XPO4: variants seen among roughly 807,000 people sequenced by gnomAD.
XPO4 encodes exportin-4.
Under a neutral mutation model 143.0 loss-of-function variants are expected in XPO4, and 39 were observed. The observed-to-expected ratio is 0.27, with a 90% CI of 0.21 to 0.36. The LOEUF is 0.36. XPO4 is among the 10% of genes least tolerant of loss of function. XPO4 has a pLI of 1.00. For missense variants in XPO4, 907 were observed against 1,348.0 expected (o/e 0.67, Z 5.12); for synonymous variants, 439 against 474.0 (o/e 0.93, Z 0.96).
At chr13:20,899,769 T>G (rs1394062472) in intron 1 of XPO4, among the ~76,000 whole-genome samples, 1 of 152,198 alleles carries the variant, frequency 6.6e-6, no homozygotes, top group Non-Finnish European at 1.5e-5. Context: ...ACATCACTAT[T>G]TGCATTTTGA....
chr13:20,804,140 C>CTATATATATACACACAA (rs2059471703), intron 13 of XPO4, among the ~76,000 whole-genome samples: 1 of 149,208 alleles, frequency 6.7e-6, no homozygotes, highest in African/African-American at 2.5e-5. Flanking sequence ...TATACATACA[C>CTATATATATACACACAA]TATATATATA....
intron 4 of XPO4, among the ~76,000 whole-genome samples, chr13:20,844,843 T>C (rs1231642884): frequency 6.6e-6 from 1 of 152,208 alleles, no homozygotes; most frequent in Non-Finnish European, 1.5e-5. Flanking sequence ...AGACTATCTG[T>C]CCATTTTGTA....
chr13:20,877,392 T>TAAGA lies in XPO4; in HGVS notation c.70-8695_70-8692dup, dbSNP rs200419556. On this transcript the variant is annotated intron_variant, in intron 1 of 22. Transcript: ENST00000255305. ...GATCTATGGGATTAAGTCTGGCCAA[T>TAAGA]AAGATATTAGCAAAGTTTCAGGTGG... Among the ~76,000 whole-genome samples the TAAGA allele has an allele frequency of 5.9e-3, 892 of 152,260 alleles. 32 individuals carry two copies. The highest frequency in any genetic ancestry group is 0.05 in the Admixed American group (759 of 15,278).
At chr13:20,839,314 G>C (rs377224019) in intron 6 of XPO4, among the ~76,000 whole-genome samples, 2 of 152,100 alleles carry the variant, frequency 1.3e-5, no homozygotes, top group Non-Finnish European at 2.9e-5. Context: ...CCATTTATAC[G>C]CTATGTCTAG....
chr13:20,877,191 T>A (rs1473356525), intron 1 of XPO4, among the ~76,000 whole-genome samples: 1 of 152,198 alleles, frequency 6.6e-6, no homozygotes, highest in Non-Finnish European at 1.5e-5. Context: ...AGGATTAATA[T>A]CCAGAACATA....
intron 6 of XPO4, among the ~76,000 whole-genome samples, chr13:20,830,247 A>T: frequency 6.6e-6 from 1 of 152,218 alleles, no homozygotes; most frequent in Admixed American, 6.5e-5. Context: ...TGGGAGATTT[A>T]TGAGTTAGTA....
chr13:20,877,604 C>A (rs1295358622), intron 1 of XPO4, among the ~76,000 whole-genome samples: 1 of 152,146 alleles, frequency 6.6e-6, no homozygotes, highest in East Asian at 1.9e-4. Flanking sequence ...CATCCTACAG[C>A]CACTAAACCA....
intron 10 of XPO4, 51 bp from the exon 11 acceptor site, chr13:20,809,276 C>T (rs142393265): frequency 4.4e-6 from 7 of 1,585,116 alleles, no homozygotes; most frequent in African/African-American, 2.7e-5. Context: ...GCCTATTCAA[C>T]GTGCACTTCT....
At chr13:20,886,366 C>A (rs56044835) in intron 1 of XPO4, among the ~76,000 whole-genome samples, 3,207 of 152,218 alleles carry the variant, frequency 0.021, 89 homozygotes, top group Middle Eastern at 0.075. Flanking sequence ...AATCCCAGCA[C>A]TTTGGGAGGC....
chr13:20,872,535 AG>A (rs1174362417), intron 1 of XPO4, among the ~76,000 whole-genome samples: 1 of 152,184 alleles, frequency 6.6e-6, no homozygotes, highest in African/African-American at 2.4e-5. Flanking sequence ...TTAGGATACG[AG>A]GCATTATTTT....
chr13:20,853,923 C>G (rs953268334), intron 4 of XPO4, among the ~76,000 whole-genome samples: 9 of 152,194 alleles, frequency 5.9e-5, no homozygotes, highest in African/African-American at 2.2e-4. Flanking sequence ...CAGCACTACT[C>G]TTGAAATTTG....
rs577140062 is a variant in XPO4 at position 20,883,298 on chromosome 13, C to T, written c.70-14597G>A. Among the ~76,000 whole-genome samples, 6 of 152,240 alleles carry T rather than the reference C, an allele frequency of 3.9e-5. 1 individual carries two copies. The highest frequency in any genetic ancestry group is 6.5e-5 in the Admixed American group (1 of 15,290). ...AGAAAGGAAAGATGTAGACTCAAAG[C>T]TAAAGAAAAGAAGCATTCCAAAATT... On this transcript the variant is annotated intron_variant, in intron 1 of 22. Transcript: ENST00000255305.
At chr13:20,884,950 G>A (rs918541998) in intron 1 of XPO4, among the ~76,000 whole-genome samples, 1 of 151,902 alleles carries the variant, frequency 6.6e-6, no homozygotes, top group African/African-American at 2.4e-5. Flanking sequence ...GGTTTTTTTG[G>A]TTTGTTTTTT....
At chr13:20,881,706 T>A (rs1192499120) in intron 1 of XPO4, among the ~76,000 whole-genome samples, 1 of 152,200 alleles carries the variant, frequency 6.6e-6, no homozygotes, top group East Asian at 1.9e-4. Flanking sequence ...CATATCATCA[T>A]CAAACTGGAC....
chr13:20,898,655 C>T (rs1432622735), intron 1 of XPO4, among the ~76,000 whole-genome samples: 1 of 152,076 alleles, frequency 6.6e-6, no homozygotes, highest in Non-Finnish European at 1.5e-5. Context: ...TATTGCTACA[C>T]ACAATCACTA....
chr13:20,902,200 G>A (rs2060627569), intron 1 of XPO4: 1 of 985,178 alleles, frequency 1.0e-6, no homozygotes, highest in Admixed American at 6.2e-5. Context: ...TCAGGGAAGC[G>A]CTAGAGGATG....
intron 4 of XPO4, among the ~76,000 whole-genome samples, chr13:20,844,691 C>T (rs1203155726): frequency 6.6e-6 from 1 of 152,190 alleles, no homozygotes; most frequent in Non-Finnish European, 1.5e-5. Flanking sequence ...TTCAGAAATG[C>T]TTCTGATGTC....
intron 1 of XPO4, among the ~76,000 whole-genome samples, chr13:20,876,748 T>C (rs537173951): frequency 2.6e-5 from 4 of 152,212 alleles, no homozygotes; most frequent in Non-Finnish European, 5.9e-5. Flanking sequence ...TGAGAATGTG[T>C]CCAGAACTTA....
intron 13 of XPO4, among the ~76,000 whole-genome samples, chr13:20,804,613 G>A (rs1045723167): frequency 1.3e-5 from 2 of 152,120 alleles, no homozygotes; most frequent in Non-Finnish European, 2.9e-5. Flanking sequence ...ATGCTGGCAC[G>A]CATAGGAGTT....
Sources: allele counts gnomAD v4.1 joint callset (sites outside exome capture counted in the v4.1 genomes callset), GRCh38; gene constraint gnomAD v4.1.1; transcripts MANE v1.5; gene names NCBI Gene and HGNC (gene_info 2026-07-23, HGNC 2026-07-21).